The following CLCN7 variants were observed in gnomAD, a reference collection of about 807,000 sequenced individuals.
CLCN7 encodes the protein Cl-/H+ antiporter 7, also known as H(+)/Cl(-) exchange transporter 7.
In CLCN7, 60 loss-of-function variants were observed where a neutral mutation model predicts 102.1. The observed-to-expected ratio is 0.59, with a 90% CI of 0.48 to 0.73. The LOEUF is 0.73. Ranked by LOEUF, CLCN7 falls within the 30% of genes least tolerant of loss-of-function variation. The pLI is 0.00. For missense variants in CLCN7, 962 were observed against 1,125.7 expected, an observed-to-expected ratio of 0.85 and a Z score of 2.08; for synonymous variants, 560 against 490.5, an observed-to-expected ratio of 1.14 and a Z score of -1.87.
At chr16:1,448,100 C>T (rs1161217258) in intron 21 of CLCN7, among the ~76,000 whole-genome samples, 3 of 152,184 alleles carry the variant, frequency 2.0e-5, no homozygotes, top group Admixed American at 1.3e-4. Flanking sequence ...CTGACAAAGT[C>T]ACGGCCCCCA....
At chr16:1,458,972 C>A (rs1004000332) in intron 7 of CLCN7, 135 bp downstream of exon 7, 1 of 670,570 alleles carries the variant, frequency 1.5e-6, no homozygotes, top group Admixed American at 3.0e-5. Context: ...ACCCAGCCAG[C>A]CCATCTGCAC....
intron 2 of CLCN7, among the ~76,000 whole-genome samples, chr16:1,464,214 A>G (rs1407429027): frequency 6.6e-6 from 1 of 152,246 alleles, no homozygotes; most frequent in Non-Finnish European, 1.5e-5. Flanking sequence ...CTGCAGCTCA[A>G]TTATAAAGAC....
At chr16:1,470,454 C>T (rs557026517) in intron 1 of CLCN7, among the ~76,000 whole-genome samples, 5 of 152,338 alleles carry the variant, frequency 3.3e-5, no homozygotes, top group Admixed American at 6.5e-5. Flanking sequence ...ACAGAGGATA[C>T]AGCAGCTGCC....
intron 6 of CLCN7, among the ~76,000 whole-genome samples, chr16:1,460,117 A>G (rs1047258722): frequency 9.9e-5 from 15 of 151,002 alleles, no homozygotes; most frequent in African/African-American, 2.9e-4. Context: ...GTGGAGGCGG[A>G]GGTGGAGATG....
At chr16:1,460,241 G>A (rs1204302658) in intron 6 of CLCN7, among the ~76,000 whole-genome samples, 177 bp downstream of exon 6, 1 of 151,680 alleles carries the variant, frequency 6.6e-6, no homozygotes, top group Admixed American at 6.6e-5. Flanking sequence ...GGGTGAAGAG[G>A]CCCTGGTGTG....
rs772332379 is a variant in CLCN7 at position 1,454,458 on chromosome 16, G to A, written c.1106C>T (p.Ala369Val). Residue 369 changes from alanine (A) to valine (V), a missense_variant, in exon 13 of 25, where the codon GCC becomes GTC. Physicochemically the swap from Ala to Val is moderately conservative, Grantham distance 64. Coordinates refer to ENST00000382745, the MANE Select transcript of CLCN7 (RefSeq NM_001287.6). ...GACCGGGATCTCGTGGATCGTGTAG[G>A]CCATTTTCTGTGCAGAGAGAGGGAG... ...NFGRFDSEKM[A>V]YTIHEIPVFI... is the part of the protein sequence containing the mutation. The A allele has an allele frequency of 3.3e-5, 53 of 1,613,564 alleles. No individual in the cohort carries two copies. Among genetic ancestry groups the A allele is most frequent in the Non-Finnish European group, 4.2e-6 (5 of 1,179,954 alleles).
chr16:1,450,772 A>G, intron 16 of CLCN7, 106 bp from the exon 17 acceptor site: 1 of 1,044,082 alleles, frequency 9.6e-7, no homozygotes, highest in Non-Finnish European at 1.4e-6. Flanking sequence ...CCAGGAGCCC[A>G]GCAACCTGAG....
At chr16:1,451,163 C>T (rs923130865) in intron 16 of CLCN7, among the ~76,000 whole-genome samples, 1 of 152,198 alleles carries the variant, frequency 6.6e-6, no homozygotes, top group African/African-American at 2.4e-5. Flanking sequence ...CACTTGTGGT[C>T]GAGCGAGGCC....
At chr16:1,451,474 G>C (rs982430285) in intron 16 of CLCN7, 149 bp downstream of exon 16, 4 of 667,032 alleles carry the variant, frequency 6.0e-6, no homozygotes, top group Middle Eastern at 7.9e-4. Flanking sequence ...CAAGTGCTGG[G>C]ATTACAGGAG....
chr16:1,451,203 G>A (rs1460698225), intron 16 of CLCN7, among the ~76,000 whole-genome samples: 1 of 152,238 alleles, frequency 6.6e-6, no homozygotes, highest in Non-Finnish European at 1.5e-5. Flanking sequence ...GGAGTCACCA[G>A]GCTGGGTTTT....
intron 1 of CLCN7, among the ~76,000 whole-genome samples, chr16:1,466,387 C>T (rs368093835): frequency 3.9e-5 from 6 of 152,354 alleles, no homozygotes; most frequent in African/African-American, 1.2e-4. Context: ...GGTGATAGAA[C>T]GGCAGGTGAT....
chr16:1,456,210 C>T lies in CLCN7; in HGVS notation c.823-4G>A, dbSNP rs1298202111. On this transcript the variant is annotated splice_polypyrimidine_tract_variant and splice_region_variant and intron_variant, in intron 9 of 24. Transcript: ENST00000382745. ...CTCTGCGGAAGTACTCGAAGATCTG[C>T]AACAGGGACAGACCAGGGTCGGGGC... 3.2e-6 allele frequency: 5 copies of T among 1,561,132 alleles called. No individual in the cohort carries two copies. In the African/African-American group the frequency reaches 4.1e-5, roughly 13 times the overall value.
rs121434433 is a variant in CLCN7 at position 1,447,052 on chromosome 16, C to G, written c.2285G>C (p.Arg762Pro). ...ASLPRVFKLF[R>P]ALGLRHLVVV... ...CACCAGGTGCCGCAGGCCCAGGGCC[C>G]GGAACAGCTTGAACACCCGTGGGAG... Residue 762 changes from arginine to proline, a missense_variant, in exon 24 of 25, where the codon CGG (arginine) becomes CCG (proline). Around this residue, in one of 2 missense-constraint regions of CLCN7, gnomAD observed 799 missense variants for 988.0 expected, o/e 0.81. Transcript: ENST00000382745. 2.5e-6 allele frequency: 4 copies of G among 1,602,518 alleles called. No homozygotes were observed. The highest frequency in any genetic ancestry group is 2.5e-6 in the Non-Finnish European group (3 of 1,178,296).
chr16:1,460,763 G>A (rs761203307), intron 5 of CLCN7, 53 bp downstream of exon 5: 25 of 1,612,728 alleles, frequency 1.6e-5, no homozygotes, highest in Non-Finnish European at 1.9e-5. Context: ...CCCGGGACTC[G>A]GCCCAGGCCA....
In CLCN7 at chr16:1,465,311, C is replaced by A; in HGVS notation, c.169G>T (p.Gly57Ter). Residue 57 changes from glycine to a stop codon, truncating the protein, a stop_gained, in exon 2 of 25, where the codon GGA becomes TGA. Coordinates refer to ENST00000382745, the MANE Select transcript of CLCN7 (RefSeq NM_001287.6). LOFTEE classifies it high-confidence loss of function. ...QSPRSALFRV[G>*]HMSSVELDDE... is the part of the protein sequence containing the mutation. ...TCCAGCTCCACGCTGCTCATATGTC[C>A]GACTCGGAAAAGCGCAGAACGTGGT... 1 of 1,613,866 alleles carries A rather than the reference C, an allele frequency of 6.2e-7. No homozygotes were observed. The highest frequency in any genetic ancestry group is 8.5e-7 in the Non-Finnish European group (1 of 1,179,972).
rs777787921 is a variant in CLCN7 at position 1,461,490 on chromosome 16, G to A, written c.286-20C>T. ...CAAGCTCTGCAGGCCGGGACAGCAAGGGCAGCACTCAGCACCGAACCCACG... is the reference window on the plus strand; with the variant it reads ...CAAGCTCTGCAGGCCGGGACAGCAAAGGCAGCACTCAGCACCGAACCCACG... On this transcript the variant is annotated intron_variant, in intron 3 of 24. Transcript: ENST00000382745. 8 of 1,592,658 alleles carry A rather than the reference G, an allele frequency of 5.0e-6. No homozygotes were observed. The highest frequency in any genetic ancestry group is 6.8e-6 in the Non-Finnish European group (8 of 1,170,612).
chr16:1,453,171 C>T (rs1001552383), intron 14 of CLCN7, among the ~76,000 whole-genome samples: 1 of 152,056 alleles, frequency 6.6e-6, no homozygotes, highest in African/African-American at 2.4e-5. Flanking sequence ...CTACATCTGG[C>T]TAATTTTTTT....
intron 1 of CLCN7, chr16:1,474,316 T>A (rs2039120307): frequency 2.4e-6 from 1 of 413,218 alleles, no homozygotes; most frequent in Non-Finnish European, 4.9e-6. Context: ...AAGTCGGGAC[T>A]GATCCCCACA....
chr16:1,467,162 G>A (rs2039016894), intron 1 of CLCN7, among the ~76,000 whole-genome samples: 1 of 152,146 alleles, frequency 6.6e-6, no homozygotes, highest in Non-Finnish European at 1.5e-5. Flanking sequence ...AGCACTCTCA[G>A]GCCATCCCCA....
Sources: allele counts gnomAD v4.1 joint callset (sites outside exome capture counted in the v4.1 genomes callset), GRCh38; gene constraint gnomAD v4.1.1; regional missense constraint gnomAD v4.1.1; transcripts MANE v1.5; gene names NCBI Gene and HGNC (gene_info 2026-07-23, HGNC 2026-07-21).